The following CIITA variants were observed in gnomAD, a reference collection of about 807,000 sequenced individuals.
CIITA encodes the protein class II major histocompatibility complex transactivator.
In CIITA, 72 loss-of-function variants were observed where a neutral mutation model predicts 115.1. That is an observed-to-expected ratio of 0.63 (90% CI 0.52 to 0.76). CIITA has a LOEUF of 0.76. Among genes scored for constraint, CIITA ranks in the 30% least tolerant of loss-of-function variants. The pLI, the probability that CIITA is intolerant of heterozygous loss-of-function variation, is 0.00. For synonymous variants in CIITA, 763 were observed against 635.6 expected (o/e 1.20, Z -3.02); for missense variants, 1,617 against 1,463.8 (o/e 1.10, Z -1.71).
At position 10,923,445 on chromosome 16, in the gene CIITA, G is replaced by T. The variant is rs1048448247; in HGVS notation, c.*22+120G>T. 7 of 755,602 alleles carry T rather than the reference G, an allele frequency of 9.3e-6. No homozygotes were observed. In the East Asian group the frequency reaches 1.8e-4, roughly 20 times the overall value. The allele number at this position is 755,602 out of a possible 1,614,324, so 46.8% of individuals were successfully genotyped here. A position where few individuals can be genotyped will look rare whatever the true frequency, so the allele number is the denominator to read the frequency against. On this transcript the variant is annotated intron_variant, in intron 19 of 19. Transcript: ENST00000324288. This position sits in a 1 kb window ranked among gnomAD's most constrained non-coding sequence, Gnocchi z 5.2. Reference sequence around the variant, plus strand: ...TGGGGCTAGGCCACCACCCTTGGACGCATGCGTCATCAGAGACATCCCCTC... The same window carrying T: ...TGGGGCTAGGCCACCACCCTTGGACTCATGCGTCATCAGAGACATCCCCTC...
chr16:10,896,263 G>T (rs2038112196), intron 3 of CIITA, among the ~76,000 whole-genome samples: 1 of 152,188 alleles, frequency 6.6e-6, no homozygotes, highest in Non-Finnish European at 1.5e-5. Flanking sequence ...AGGAAATTGA[G>T]GTTTAGAGAG....
chr16:10,937,836 A>G (rs908983314), downstream of CIITA: 2 of 152,128 alleles, frequency 1.3e-5, no homozygotes, highest in African/African-American at 4.8e-5. This position sits in a 1 kb window ranked among gnomAD's most constrained non-coding sequence, Gnocchi z 4.2. Context: ...AAAACCACAG[A>G]GCCGGCTATC....
At chr16:10,937,923 G>C (rs2041051930), downstream of CIITA, 1 of 152,348 alleles carries the variant, frequency 6.6e-6, no homozygotes, top group Admixed American at 6.5e-5. The surrounding 1 kb of genome is among the most constrained non-coding windows in gnomAD (Gnocchi z 4.2). Context: ...AAGGCAGAGT[G>C]GGAAGTCTCC....
chr16:10,936,290 G>C lies in CIITA; in HGVS notation c.*12435G>C, dbSNP rs565337908. The C allele has an allele frequency of 2.6e-5, 4 of 152,232 alleles. No homozygotes were observed. In the East Asian group the frequency reaches 7.7e-4, roughly 29 times the overall value. 9.4% of individuals were successfully genotyped at this position (152,232 alleles called of 1,614,324 possible). A position where few individuals can be genotyped will look rare whatever the true frequency, so the allele number is the denominator to read the frequency against. ...TGTAGATGAGATTGGTCATAGGATTGTATAGTGTATCAATATTAGATTTGC... is the reference window on the plus strand; with the variant it reads ...TGTAGATGAGATTGGTCATAGGATTCTATAGTGTATCAATATTAGATTTGC... On this transcript the variant is annotated 3_prime_UTR_variant, in exon 20 of 20. Coordinates refer to ENST00000324288, the MANE Select transcript of CIITA (RefSeq NM_000246.4).
Position 10,934,118 on chromosome 16 carries a change from C to T in CIITA, c.*10263C>T, listed in dbSNP as rs1003263044. 10 of 152,238 alleles carry T rather than the reference C, an allele frequency of 6.6e-5. No homozygotes were observed. The highest frequency in any genetic ancestry group is 2.4e-4 in the African/African-American group (10 of 41,462). 9.4% of individuals were successfully genotyped at this position (152,238 alleles called of 1,614,324 possible). Reference sequence around the variant, plus strand: ...AGCGGGCTTTGTGAAGATGCCTGGTCTACCACGTGCCTCCAGCTGGTCACG... The same window carrying T: ...AGCGGGCTTTGTGAAGATGCCTGGTTTACCACGTGCCTCCAGCTGGTCACG... On this transcript the variant is annotated 3_prime_UTR_variant, in exon 20 of 20. Coordinates refer to ENST00000324288, the MANE Select transcript of CIITA (RefSeq NM_000246.4). This position sits in a 1 kb window ranked among gnomAD's most constrained non-coding sequence, Gnocchi z 4.2.
chr16:10,916,852 C>T (rs1381458123), intron 15 of CIITA: 1 of 379,108 alleles, frequency 2.6e-6, no homozygotes, highest in Admixed American at 4.2e-5. Flanking sequence ...ATTTAATCAA[C>T]AAATATTTAA....
chr16:10,903,785 G>A lies in CIITA; in HGVS notation c.827G>A (p.Gly276Asp), dbSNP rs1372390119. Residue 276 changes from glycine (G) to aspartate (D), a missense_variant, in exon 9 of 20, where the codon GGC becomes GAC. Coordinates refer to ENST00000324288, the MANE Select transcript of CIITA (RefSeq NM_000246.4). ...CCTCCCAGTGGATTCACTGTCCACG[G>A]CCTCCCAACATCTCCAGACCGGCCA... ...VPPPSGFTVHGLPTSPDRPGS... is the reference protein window; with the variant it reads ...VPPPSGFTVHDLPTSPDRPGS... 1 of 1,614,118 alleles carries A rather than the reference G, an allele frequency of 6.2e-7. No individual in the cohort carries two copies. The highest frequency in any genetic ancestry group is 8.5e-7 in the Non-Finnish European group (1 of 1,180,028).
Position 10,901,652 on chromosome 16 carries a change from G to GCACC in CIITA, c.481+94_481+95insCACC. 7.7e-7 allele frequency: 1 copy of GCACC among 1,305,398 alleles called. No homozygotes were observed. The highest frequency in any genetic ancestry group is 1.1e-6 in the Non-Finnish European group (1 of 923,004). The allele number at this position is 1,305,398 out of a possible 1,614,324, so 80.9% of individuals were successfully genotyped here. ...CTCCTGGCCCAAGTCTGATGGGGAT[G>GCACC]GTGCATGGTGCAGCCCCTGCCCTTC... On this transcript the variant is annotated intron_variant, in intron 6 of 19. Transcript: ENST00000324288. The surrounding 1 kb of genome is among the most constrained non-coding windows in gnomAD (Gnocchi z 6.8).
chr16:10,882,571 A>T (rs1393852850), intron 1 of CIITA, among the ~76,000 whole-genome samples: 1 of 152,062 alleles, frequency 6.6e-6, no homozygotes, highest in Admixed American at 6.6e-5. Flanking sequence ...TTAGGAAAAA[A>T]ATATATAAAT....
chr16:10,870,134 G>T (rs548629038), intron 1 of CIITA, among the ~76,000 whole-genome samples: 2 of 145,076 alleles, frequency 1.4e-5, no homozygotes, highest in South Asian at 4.6e-4. Flanking sequence ...AGACTATGGG[G>T]TCTCATGAGT....
chr16:10,881,100 C>T (rs1219981394), intron 1 of CIITA, among the ~76,000 whole-genome samples: 1 of 151,692 alleles, frequency 6.6e-6, no homozygotes, highest in Admixed American at 6.6e-5. Context: ...CTGGAGAAAC[C>T]CCAACTCTAC....
intron 1 of CIITA, among the ~76,000 whole-genome samples, chr16:10,885,187 G>C (rs945277161): frequency 3.9e-5 from 6 of 152,180 alleles, no homozygotes; most frequent in East Asian, 1.9e-4. Context: ...CTATCGACTG[G>C]ATTCAACTTT....
rs2040538268 is a variant in CIITA, at chr16:10,926,555, T to C, written c.*2700T>C. The C allele has an allele frequency of 6.6e-6, 1 of 152,256 alleles. No individual in the cohort carries two copies. The highest frequency in any genetic ancestry group is 6.5e-5 in the Admixed American group (1 of 15,278). The allele number at this position is 152,256 out of a possible 1,614,324, so 9.4% of individuals were successfully genotyped here. On this transcript the variant is annotated 3_prime_UTR_variant, in exon 20 of 20. Coordinates refer to ENST00000324288, the MANE Select transcript of CIITA (RefSeq NM_000246.4). ...CTGTTTATTATTTTATTTAATTTTT[T>C]TGAGACAGAGTTTTCACTCTTATTG...
rs569619434 is a variant in CIITA, at chr16:10,941,630, C to A, written n.756C>A. The A allele has an allele frequency of 1.1e-5, 17 of 1,523,402 alleles. No individual in the cohort carries two copies. The Admixed American group carries it at 2.7e-4, about 25-fold the overall frequency. The allele number at this position is 1,523,402 out of a possible 1,614,324, so 94.4% of individuals were successfully genotyped here. A position where few individuals can be genotyped will look rare whatever the true frequency, so the allele number is the denominator to read the frequency against. On this transcript the variant is annotated non_coding_transcript_exon_variant, in exon 2 of 2. Coordinates refer to the CIITA transcript ENST00000573379. This position sits in a 1 kb window ranked among gnomAD's most constrained non-coding sequence, Gnocchi z 6.4. ...ACCATCCCCGTCCAGATGGTGCCCCCAACCAGCTGCGGCGGCATGATCTGG... is the reference window on the plus strand; with the variant it reads ...ACCATCCCCGTCCAGATGGTGCCCCAAACCAGCTGCGGCGGCATGATCTGG...
chr16:10,891,546 G>T (rs1307918857), intron 1 of CIITA, among the ~76,000 whole-genome samples: 1 of 152,122 alleles, frequency 6.6e-6, no homozygotes, highest in Non-Finnish European at 1.5e-5. Context: ...ACTCATTCAC[G>T]GAGTTGCTAG....
chr16:10,877,189 C>T (rs553301939), upstream of CIITA: 4 of 743,898 alleles, frequency 5.4e-6, no homozygotes, highest in Non-Finnish European at 9.6e-6. Context: ...GGGCTCCCAA[C>T]TGGTGACTGG....
intron 1 of CIITA, among the ~76,000 whole-genome samples, chr16:10,867,208 C>T (rs2035134835): frequency 6.6e-6 from 1 of 151,656 alleles, no homozygotes; most frequent in Non-Finnish European, 1.5e-5. Flanking sequence ...CACGCTACTG[C>T]ACTCCAGTCT....
At chr16:10,867,620 G>A (rs1357675422) in intron 1 of CIITA, among the ~76,000 whole-genome samples, 2 of 152,144 alleles carry the variant, frequency 1.3e-5, no homozygotes, top group Non-Finnish European at 2.9e-5. Flanking sequence ...ATTTTTAAGA[G>A]CGTTGGTGGC....
In CIITA at chr16:10,922,642, C is replaced by A. The variant is rs2040336614; in HGVS notation, c.3317+152C>A. Reference sequence around the variant, plus strand: ...CCCCCTCTGGCTTCAGCTTCTTCATCTGTAAAGTGGGGACAGTAATAATAT... The same window carrying A: ...CCCCCTCTGGCTTCAGCTTCTTCATATGTAAAGTGGGGACAGTAATAATAT... On this transcript the variant is annotated intron_variant, in intron 18 of 19. Transcript: ENST00000324288. 1.6e-5 allele frequency: 13 copies of A among 791,206 alleles called. No homozygotes were observed. The South Asian group carries it at 1.8e-4, about 11-fold the overall frequency. 49.0% of individuals were successfully genotyped at this position (791,206 alleles called of 1,614,324 possible).
Sources: gnomAD v4.1 joint callset for allele counts (sites outside exome capture counted in the v4.1 genomes callset) on GRCh38, gnomAD v4.1.1 for gene constraint, Gnocchi (gnomAD v3.1) non-coding constraint, MANE v1.5 for transcripts, NCBI Gene and HGNC (gene_info 2026-07-23, HGNC 2026-07-21) for gene names.